The following SH2D1A variants were observed in gnomAD, a reference collection of about 807,000 sequenced individuals.
The protein encoded by SH2D1A is SH2 domain-containing protein 1A.
SH2D1A carries 6 observed loss-of-function variants against 10.1 expected under a neutral mutation model. The ratio of observed to expected loss-of-function variants is 0.60; its 90% CI spans 0.33 to 1.18. The LOEUF is 1.18. Ranked by LOEUF, SH2D1A falls within the 50% of genes most tolerant of loss-of-function variation. The pLI, the probability that SH2D1A is intolerant of heterozygous loss-of-function variation, is 0.04. For synonymous variants in SH2D1A, 42 were observed against 36.9 expected, an observed-to-expected ratio of 1.14 and a Z score of -0.51; for missense variants, 51 against 97.6, an observed-to-expected ratio of 0.52 and a Z score of 2.01.
At chrX:124,363,957 T>C (rs1019463037) in intron 1 of SH2D1A, among the ~76,000 whole-genome samples, 10 of 100,440 alleles carry the variant, frequency 1.0e-4, no homozygotes, top group African/African-American at 3.3e-4. Flanking sequence ...GCACAGACAA[T>C]TACATACAGT....
chrX:124,365,089 C>T (rs1211492236), intron 1 of SH2D1A, among the ~76,000 whole-genome samples: 1 of 110,803 alleles, frequency 9.0e-6, no homozygotes, highest in Admixed American at 9.6e-5. Flanking sequence ...TACCACATAG[C>T]CTAGGTGGTA....
intron 1 of SH2D1A, among the ~76,000 whole-genome samples, chrX:124,360,647 C>T (rs1314053201): frequency 1.1e-5 from 1 of 92,935 alleles, no homozygotes; most frequent in African/African-American, 4.0e-5. Flanking sequence ...ACCAAAAGAT[C>T]TCTATTGACC....
chrX:124,371,456 G>A lies in SH2D1A; in HGVS notation c.*65G>A, dbSNP rs1045022093. ...AAATATATGCTAAGTCTTATATATT[G>A]TAGATAATACAGTTCGGTGAGCTAC... On this transcript the variant is annotated 3_prime_UTR_variant, in exon 4 of 4. Coordinates refer to ENST00000371139, the MANE Select transcript of SH2D1A (RefSeq NM_002351.5). The A allele has an allele frequency of 4.0e-6, 3 of 740,798 alleles. No individual in the cohort carries two copies. Among genetic ancestry groups the A allele is most frequent in the Non-Finnish European group, 6.1e-6 (3 of 491,773 alleles). 61.1% of individuals were successfully genotyped at this position (740,798 alleles called of 1,213,427 possible).
chrX:124,362,555 T>A (rs5958471), intron 1 of SH2D1A, among the ~76,000 whole-genome samples: 1,637 of 111,887 alleles, frequency 0.015, 33 homozygotes, highest in African/African-American at 0.05. Context: ...TTTCATAGTT[T>A]CACAGCTGAA....
At chrX:124,357,829 A>G (rs2060029899) in intron 1 of SH2D1A, among the ~76,000 whole-genome samples, 1 of 102,949 alleles carries the variant, frequency 9.7e-6, no homozygotes, top group Non-Finnish European at 2.0e-5. Flanking sequence ...ATTTTATTTT[A>G]TTTTTTTTGC....
rs1365532341 is a variant in SH2D1A at position 124,371,601 on chromosome X, C to T, written c.*210C>T. 3.7e-6 allele frequency: 1 copy of T among 272,084 alleles called. No homozygotes were observed. The highest frequency in any genetic ancestry group is 2.9e-5 in the African/African-American group (1 of 33,976). 22.4% of individuals were successfully genotyped at this position (272,084 alleles called of 1,213,427 possible). On this transcript the variant is annotated 3_prime_UTR_variant, in exon 4 of 4. Coordinates refer to ENST00000371139, the MANE Select transcript of SH2D1A (RefSeq NM_002351.5). ...AAACGAGGATTGGGAAAAAGTAATT[C>T]CGTAGGTTATTTTCAGTTATTATAT...
chrX:124,363,890 CAAAAAAAAAAAAAAA>C lies in SH2D1A; in HGVS notation c.138-1859_138-1845del, dbSNP rs1211666787. 4.6e-3 allele frequency among the ~76,000 whole-genome samples: 153 copies of C among 33,280 alleles called. 1 individual carries two copies. The highest frequency in any genetic ancestry group is 5.6e-3 in the Non-Finnish European group (117 of 20,936). The allele number at this position is 33,280 out of a possible 115,157, so 28.9% of individuals were successfully genotyped here. A position where few individuals can be genotyped will look rare whatever the true frequency, so the allele number is the denominator to read the frequency against. On this transcript the variant is annotated intron_variant, in intron 1 of 3. Coordinates refer to ENST00000371139, the MANE Select transcript of SH2D1A (RefSeq NM_002351.5). The stretch of plus-strand genomic sequence containing the variant: ...TGGGCAACAGAGCGAGACTCTATCT[CAAAAAAAAAAAAAAA>C]AAAAAAAAAAAGAAAGAAAAAGAAA...
At chrX:124,357,814 T>TTTTTA (rs1181257520) in intron 1 of SH2D1A, among the ~76,000 whole-genome samples, 1 of 110,475 alleles carries the variant, frequency 9.1e-6, no homozygotes, top group African/African-American at 3.3e-5. Context: ...CCTTTGCCCA[T>TTTTTA]TTTTATTTTA....
At position 124,371,968 on chromosome X, in the gene SH2D1A, C is replaced by G. The variant is rs1218139514; in HGVS notation, c.*577C>G. 1.9e-5 allele frequency: 3 copies of G among 157,646 alleles called. No homozygotes were observed. The highest frequency in any genetic ancestry group is 3.7e-5 in the Non-Finnish European group (3 of 81,182). The allele number at this position is 157,646 out of a possible 1,213,427, so 13.0% of individuals were successfully genotyped here. On this transcript the variant is annotated 3_prime_UTR_variant, in exon 4 of 4. Coordinates refer to ENST00000371139, the MANE Select transcript of SH2D1A (RefSeq NM_002351.5). Reference sequence around the variant, plus strand: ...TCTTGCCTAGTGTTCTGATATTGGACAGTAAAATCCACAGACCAACCTGGA... The same window carrying G: ...TCTTGCCTAGTGTTCTGATATTGGAGAGTAAAATCCACAGACCAACCTGGA...
At chrX:124,348,637 A>G (rs2059999933) in intron 1 of SH2D1A, among the ~76,000 whole-genome samples, 2 of 111,361 alleles carry the variant, frequency 1.8e-5, no homozygotes, top group Non-Finnish European at 3.8e-5. Flanking sequence ...CACTCACTCC[A>G]TCTCTTTATT....
At position 124,371,594 on chromosome X, in the gene SH2D1A, AG is replaced by A; in HGVS notation, c.*204del. On this transcript the variant is annotated 3_prime_UTR_variant, in exon 4 of 4. Coordinates refer to ENST00000371139, the MANE Select transcript of SH2D1A (RefSeq NM_002351.5). ...AGCTTTGAAACGAGGATTGGGAAAA[AG>A]TAATTCCGTAGGTTATTTTCAGTTA... 1 of 280,596 alleles carries A rather than the reference AG, an allele frequency of 3.6e-6. No individual in the cohort carries two copies. The allele number at this position is 280,596 out of a possible 1,213,427, so 23.1% of individuals were successfully genotyped here.
chrX:124,358,756 C>T (rs1299059544), intron 1 of SH2D1A, among the ~76,000 whole-genome samples: 1 of 111,735 alleles, frequency 8.9e-6, no homozygotes, highest in Middle Eastern at 4.2e-3. Context: ...TGGGCATTCG[C>T]TTTACATTTT....
At chrX:124,365,564 T>A (rs1282474969) in intron 1 of SH2D1A, among the ~76,000 whole-genome samples, 197 bp from the exon 2 acceptor site, 1 of 111,169 alleles carries the variant, frequency 9.0e-6, no homozygotes, top group Non-Finnish European at 1.9e-5. Context: ...GATAAAGAAA[T>A]CTCACTGGAA....
Position 124,371,994 on chromosome X carries a change from G to C in SH2D1A, c.*603G>C, listed in dbSNP as rs2060070581. ...AGTAAAATCCACAGACCAACCTGGA[G>C]TTGAAAATCTTATAATTTAAAATAT... On this transcript the variant is annotated 3_prime_UTR_variant, in exon 4 of 4. Coordinates refer to ENST00000371139, the MANE Select transcript of SH2D1A (RefSeq NM_002351.5). 2 of 159,718 alleles carry C rather than the reference G, an allele frequency of 1.3e-5. No homozygotes were observed. Among genetic ancestry groups the C allele is most frequent in the East Asian group, 1.9e-4 (2 of 10,522 alleles). 13.2% of individuals were successfully genotyped at this position (159,718 alleles called of 1,213,427 possible).
At chrX:124,357,389 T>C (rs1188789079) in intron 1 of SH2D1A, among the ~76,000 whole-genome samples, 2 of 112,432 alleles carry the variant, frequency 1.8e-5, no homozygotes, top group Non-Finnish European at 3.8e-5. Context: ...CATTCATCTG[T>C]TGATAGACAT....
chrX:124,349,541 G>T (rs2147520957), intron 1 of SH2D1A, among the ~76,000 whole-genome samples: 1 of 111,529 alleles, frequency 9.0e-6, no homozygotes, highest in African/African-American at 3.2e-5. Context: ...ACTCAGAATG[G>T]TTTCTCATTC....
intron 1 of SH2D1A, chrX:124,364,363 G>C (rs1442715305): frequency 7.8e-6 from 2 of 254,890 alleles, no homozygotes; most frequent in Admixed American, 4.9e-5. Context: ...ATGGAATAAG[G>C]ATATAAAGAA....
intron 2 of SH2D1A, chrX:124,367,783 G>C (rs938418644): frequency 1.3e-4 from 14 of 111,928 alleles, no homozygotes; most frequent in African/African-American, 4.5e-4. Flanking sequence ...TCTTTGCCTA[G>C]TGTATTATCT....
chrX:124,371,460 A>C lies in SH2D1A; in HGVS notation c.*69A>C. On this transcript the variant is annotated 3_prime_UTR_variant, in exon 4 of 4. Transcript: ENST00000371139. ...ATATGCTAAGTCTTATATATTGTAG[A>C]TAATACAGTTCGGTGAGCTACAAAT... is the stretch of plus-strand genomic sequence containing the variant. 2.8e-6 allele frequency: 2 copies of C among 709,580 alleles called. No homozygotes were observed. The highest frequency in any genetic ancestry group is 2.9e-5 in the South Asian group (1 of 34,443). The allele number at this position is 709,580 out of a possible 1,213,427, so 58.5% of individuals were successfully genotyped here.
Sources: allele counts gnomAD v4.1 joint callset (sites outside exome capture counted in the v4.1 genomes callset), GRCh38; gene constraint gnomAD v4.1.1; transcripts MANE v1.5; gene names NCBI Gene and HGNC (gene_info 2026-07-23, HGNC 2026-07-21).